The following FNTB variants were observed in gnomAD, a reference collection of about 807,000 sequenced individuals.
The protein encoded by FNTB is protein farnesyltransferase subunit beta.
FNTB carries 27 observed loss-of-function variants against 59.4 expected under a neutral mutation model. The ratio of observed to expected loss-of-function variants is 0.45; its 90% CI spans 0.34 to 0.63. FNTB has a LOEUF of 0.63. Among genes scored for constraint, FNTB ranks in the 20% least tolerant of loss-of-function variants. The pLI, the probability that FNTB is intolerant of heterozygous loss-of-function variation, is 0.02. For synonymous variants in FNTB, 230 were observed against 220.7 expected (o/e 1.04, Z -0.37); for missense variants, 449 against 559.6 (o/e 0.80, Z 1.99).
rs1340319265 is a variant in FNTB, at chr14:65,012,652, C to T, written c.282+263C>T. ...TACTAGATGATGACTAAGGGGTTCACGTGCTTTATCTAGACCTCCTTGACA... is the reference window on the plus strand; with the variant it reads ...TACTAGATGATGACTAAGGGGTTCATGTGCTTTATCTAGACCTCCTTGACA... On this transcript the variant is annotated intron_variant, in intron 3 of 11. Transcript: ENST00000246166. The surrounding 1 kb of genome is among the most constrained non-coding windows in gnomAD (Gnocchi z 5.0). Among the ~76,000 whole-genome samples, 1 of 152,174 alleles carries T rather than the reference C, an allele frequency of 6.6e-6. No homozygotes were observed. The highest frequency in any genetic ancestry group is 6.5e-5 in the Admixed American group (1 of 15,272).
rs377761994 is a variant in FNTB, at chr14:65,016,885, A to G, written c.374+1169A>G. 4.0e-5 allele frequency among the ~76,000 whole-genome samples: 6 copies of G among 151,738 alleles called. No individual in the cohort carries two copies. The East Asian group carries it at 1.2e-3, about 29-fold the overall frequency. On this transcript the variant is annotated intron_variant, in intron 4 of 11. Coordinates refer to ENST00000246166, the MANE Select transcript of FNTB (RefSeq NM_002028.4). ...GAGAGTTGGACACAGTTTCTGCAGTAACAGGAATTTAATTGTCAAAGAAAG... is the reference window on the plus strand; with the variant it reads ...GAGAGTTGGACACAGTTTCTGCAGTGACAGGAATTTAATTGTCAAAGAAAG...
intron 4 of FNTB, among the ~76,000 whole-genome samples, chr14:65,018,221 G>C (rs1478729978): frequency 6.6e-6 from 1 of 152,028 alleles, no homozygotes; most frequent in East Asian, 1.9e-4. Flanking sequence ...CACACTTCTA[G>C]TTCTAGCTGC....
chr14:65,033,443 A>G (rs1431554849), intron 7 of FNTB, among the ~76,000 whole-genome samples: 8 of 152,254 alleles, frequency 5.3e-5, no homozygotes, highest in Non-Finnish European at 1.2e-4. Context: ...CTTCAGCTGT[A>G]ATAGTTAACA....
chr14:65,032,689 A>T lies in FNTB; in HGVS notation c.685A>T (p.Ile229Leu). The T allele has an allele frequency of 6.2e-7, 1 of 1,613,506 alleles. No individual in the cohort carries two copies. The highest frequency in any genetic ancestry group is 8.5e-7 in the Non-Finnish European group (1 of 1,179,862). ...CCTCTTTGAGGGCACTGCTGAATGG[A>T]TAGCAAGGTGAGAGAAGCCAGGGTT... ...PDLFEGTAEWIARCQNWEGGI... is the reference protein window; with the variant it reads ...PDLFEGTAEWLARCQNWEGGI... The change falls in exon 7 of 12, where the codon ATA becomes TTA. Residue 229 changes from isoleucine to leucine, a missense_variant. Transcript: ENST00000246166. This position sits in a 1 kb window ranked among gnomAD's most constrained non-coding sequence, Gnocchi z 5.0.
Position 65,061,435 on chromosome 14 carries a change from T to G in FNTB, c.*123T>G. ...TAGCCTCAGTGGAGCTGTGGTTCTC[T>G]TGGTACTTTCTTGTCAAACAAAACC... On this transcript the variant is annotated 3_prime_UTR_variant, in exon 12 of 12. Transcript: ENST00000246166. 7.0e-7 allele frequency: 1 copy of G among 1,433,244 alleles called. No individual in the cohort carries two copies. 88.8% of individuals were successfully genotyped at this position (1,433,244 alleles called of 1,614,324 possible). A position where few individuals can be genotyped will look rare whatever the true frequency, so the allele number is the denominator to read the frequency against.
chr14:65,032,047 C>G lies in FNTB; in HGVS notation c.606-563C>G, dbSNP rs1226651374. On this transcript the variant is annotated intron_variant, in intron 6 of 11. Coordinates refer to ENST00000246166, the MANE Select transcript of FNTB (RefSeq NM_002028.4). This position sits in a 1 kb window ranked among gnomAD's most constrained non-coding sequence, Gnocchi z 5.0. The stretch of plus-strand genomic sequence containing the variant: ...TGGTGAGAGGTTTGAAATCAAGGCT[C>G]TTTTCTCCCTCTAGAGGTTTAAGGA... Among the ~76,000 whole-genome samples the G allele has an allele frequency of 2.0e-5, 3 of 150,118 alleles. No individual in the cohort carries two copies. Among genetic ancestry groups the G allele is most frequent in the African/African-American group, 7.5e-5 (3 of 40,180 alleles).
At chr14:64,988,152 G>T (rs1050457045) in intron 1 of FNTB, among the ~76,000 whole-genome samples, 19 of 152,302 alleles carry the variant, frequency 1.2e-4, no homozygotes, top group Admixed American at 3.3e-4. Flanking sequence ...AGAAACAAGG[G>T]CTTGATACGT....
Position 65,012,517 on chromosome 14 carries a change from G to C in FNTB, c.282+128G>C. 2 of 1,288,108 alleles carry C rather than the reference G, an allele frequency of 1.6e-6. No homozygotes were observed. 79.8% of individuals were successfully genotyped at this position (1,288,108 alleles called of 1,614,324 possible). ...GTCACTCTTTGTTCTCTGTGGCTCT[G>C]GCAGGAGGTAGGGTGCTGTCACAGA... On this transcript the variant is annotated intron_variant, in intron 3 of 11. Coordinates refer to ENST00000246166, the MANE Select transcript of FNTB (RefSeq NM_002028.4). This position sits in a 1 kb window ranked among gnomAD's most constrained non-coding sequence, Gnocchi z 5.0.
chr14:65,042,828 T>C (rs74952288), intron 8 of FNTB, among the ~76,000 whole-genome samples: 1 of 152,220 alleles, frequency 6.6e-6, no homozygotes, highest in Admixed American at 6.5e-5. Context: ...CTGCTTTCTC[T>C]CTGCCTGAGT....
chr14:65,001,593 T>C lies in FNTB; in HGVS notation c.145-2656T>C, dbSNP rs1566862901. Among the ~76,000 whole-genome samples the C allele has an allele frequency of 6.6e-6, 1 of 152,216 alleles. No individual in the cohort carries two copies. Among genetic ancestry groups the C allele is most frequent in the Non-Finnish European group, 1.5e-5 (1 of 68,042 alleles). On this transcript the variant is annotated intron_variant, in intron 1 of 11. Coordinates refer to ENST00000246166, the MANE Select transcript of FNTB (RefSeq NM_002028.4). The surrounding 1 kb of genome is among the most constrained non-coding windows in gnomAD (Gnocchi z 5.5). ...TACTCCAGCATTTTATATCAAGGACTTGAGCATCCACAGATTTTGATATCC... is the reference window on the plus strand; with the variant it reads ...TACTCCAGCATTTTATATCAAGGACCTGAGCATCCACAGATTTTGATATCC...
In FNTB at chr14:65,032,807, A is replaced by T; in HGVS notation, c.692+111A>T. 1 of 1,031,464 alleles carries T rather than the reference A, an allele frequency of 9.7e-7. No homozygotes were observed. Among genetic ancestry groups the T allele is most frequent in the South Asian group, 1.7e-5 (1 of 58,020 alleles). The allele number at this position is 1,031,464 out of a possible 1,614,324, so 63.9% of individuals were successfully genotyped here. On this transcript the variant is annotated intron_variant, in intron 7 of 11. Transcript: ENST00000246166. This position sits in a 1 kb window ranked among gnomAD's most constrained non-coding sequence, Gnocchi z 5.0. Reference sequence around the variant, plus strand: ...ACTTGGAAGGAAATACAAAAATCACAGGAGATCCATTAGGGTTATCTAATG... The same window carrying T: ...ACTTGGAAGGAAATACAAAAATCACTGGAGATCCATTAGGGTTATCTAATG...
chr14:65,057,655 A>C lies in FNTB; in HGVS notation c.1182+2966A>C, dbSNP rs138933772. 2.8e-3 allele frequency among the ~76,000 whole-genome samples: 431 copies of C among 152,348 alleles called. 1 individual carries two copies. Among genetic ancestry groups the C allele is most frequent in the African/African-American group, 0.01 (418 of 41,592 alleles). ...GAACAAGGCAATGCAGCAAGTCATT[A>C]AGTGTAACTTCTTCTAAATAGTCTA... On this transcript the variant is annotated intron_variant, in intron 11 of 11. Transcript: ENST00000246166.
At chr14:65,034,173 G>A (rs772724144) in intron 7 of FNTB, among the ~76,000 whole-genome samples, 4 of 152,148 alleles carry the variant, frequency 2.6e-5, no homozygotes, top group Non-Finnish European at 4.4e-5. Flanking sequence ...GCACACGTGC[G>A]TTTTGAGTTG....
intron 1 of FNTB, among the ~76,000 whole-genome samples, chr14:64,999,556 G>A (rs1235722553): frequency 6.6e-6 from 1 of 152,138 alleles, no homozygotes; most frequent in Non-Finnish European, 1.5e-5. Flanking sequence ...TGATTGTGAT[G>A]GATGCACAAA....
At position 65,030,049 on chromosome 14, in the gene FNTB, G is replaced by A. The variant is rs146916885; in HGVS notation, c.605+2268G>A. 5.9e-5 allele frequency among the ~76,000 whole-genome samples: 9 copies of A among 152,236 alleles called. No individual in the cohort carries two copies. Among genetic ancestry groups the A allele is most frequent in the Non-Finnish European group, 8.8e-5 (6 of 68,008 alleles). ...GAAATACATGAAAAGGTTGTATTACGTTTCCTCCCCATCTCAGCGTGAGAC... is the reference window on the plus strand; with the variant it reads ...GAAATACATGAAAAGGTTGTATTACATTTCCTCCCCATCTCAGCGTGAGAC... On this transcript the variant is annotated intron_variant, in intron 6 of 11. Transcript: ENST00000246166. The surrounding 1 kb of genome is among the most constrained non-coding windows in gnomAD (Gnocchi z 4.5).
At chr14:65,041,540 T>C (rs1251371598) in intron 8 of FNTB, among the ~76,000 whole-genome samples, 1 of 152,144 alleles carries the variant, frequency 6.6e-6, no homozygotes, top group African/African-American at 2.4e-5. Flanking sequence ...GTCATGTCAT[T>C]TGGGGAGCAT....
At chr14:65,024,937 G>GT (rs1186378821) in intron 4 of FNTB, among the ~76,000 whole-genome samples, 4 of 151,676 alleles carry the variant, frequency 2.6e-5, no homozygotes, top group Non-Finnish European at 4.4e-5. Flanking sequence ...TTGTTTGTTT[G>GT]TTTTTTTTAA....
At chr14:65,003,526 AT>A (rs1418485735) in intron 1 of FNTB, 16 of 152,282 alleles carry the variant, frequency 1.1e-4, no homozygotes, top group African/African-American at 3.8e-4. Context: ...GTTAACATGT[AT>A]GCTTCATGTA....
chr14:64,990,090 C>A lies in FNTB; in HGVS notation c.144+2993C>A, dbSNP rs533715994. On this transcript the variant is annotated intron_variant, in intron 1 of 11. Transcript: ENST00000246166. This position sits in a 1 kb window ranked among gnomAD's most constrained non-coding sequence, Gnocchi z 5.2. Reference sequence around the variant, plus strand: ...CAGAGAAAGCAGCAAGCACAAAGGACCAAGGCAGCAGAATGCCAGGTGAGC... The same window carrying A: ...CAGAGAAAGCAGCAAGCACAAAGGAACAAGGCAGCAGAATGCCAGGTGAGC... Among the ~76,000 whole-genome samples the A allele has an allele frequency of 6.8e-4, 103 of 152,258 alleles. 1 individual carries two copies. In the South Asian group the frequency reaches 0.02, roughly 30 times the overall value.
Sources: allele counts gnomAD v4.1 joint callset (sites outside exome capture counted in the v4.1 genomes callset), GRCh38; gene constraint gnomAD v4.1.1; non-coding constraint Gnocchi (gnomAD v3.1); transcripts MANE v1.5; gene names NCBI Gene and HGNC (gene_info 2026-07-23, HGNC 2026-07-21).